The following AGBL4 variants were observed in gnomAD, a reference collection of about 807,000 sequenced individuals.
AGBL4 encodes the protein cytosolic carboxypeptidase 6.
In AGBL4, 58 loss-of-function variants were observed where a neutral mutation model predicts 66.4. That is an observed-to-expected ratio of 0.87 (90% CI 0.71 to 1.09). The LOEUF (loss-of-function observed/expected upper bound fraction) is 1.09. Among genes scored for constraint, AGBL4 ranks in the 50% least tolerant of loss-of-function variants. The probability of loss-of-function intolerance (pLI) is 0.00; values close to 1 mark genes in which losing one functional copy is unlikely to be tolerated. For missense variants in AGBL4, 579 were observed against 631.0 expected (o/e 0.92, Z 0.88); for synonymous variants, 234 against 222.9 (o/e 1.05, Z -0.44).
Position 49,075,948 on chromosome 1 carries a change from A to G in AGBL4, c.378-30148T>C, listed in dbSNP as rs370334248. On this transcript the variant is annotated intron_variant, in intron 4 of 13. Coordinates refer to ENST00000371839, the MANE Select transcript of AGBL4 (RefSeq NM_032785.4). ...ATCAACAAACTGTTGGGTAGGTACC[A>G]AGAAAGAACATCTAGATAGGGTGAT... Among the ~76,000 whole-genome samples, 50 of 152,354 alleles carry G rather than the reference A, an allele frequency of 3.3e-4. 1 individual carries two copies. The South Asian group carries it at 9.5e-3, about 29-fold the overall frequency.
chr1:49,409,744 A>G (rs1645279604), intron 3 of AGBL4, among the ~76,000 whole-genome samples: 1 of 152,202 alleles, frequency 6.6e-6, no homozygotes, highest in Non-Finnish European at 1.5e-5. Context: ...AAAAACAAGA[A>G]AATGGTAGAA....
At chr1:50,021,511 T>C (rs1662439257) in intron 1 of AGBL4, among the ~76,000 whole-genome samples, 1 of 152,186 alleles carries the variant, frequency 6.6e-6, no homozygotes, top group African/African-American at 2.4e-5. Flanking sequence ...CAATGCTCCC[T>C]ATCCCAATAA....
intron 6 of AGBL4, among the ~76,000 whole-genome samples, chr1:48,769,554 C>CACAA (rs1644704018): frequency 6.8e-6 from 1 of 147,440 alleles, no homozygotes; most frequent in Non-Finnish European, 1.5e-5. Flanking sequence ...CACACACACA[C>CACAA]ACACACACAC....
chr1:49,909,905 A>G (rs1428999182), intron 1 of AGBL4, among the ~76,000 whole-genome samples: 1 of 152,178 alleles, frequency 6.6e-6, no homozygotes, highest in Non-Finnish European at 1.5e-5. Context: ...AACAGATTTG[A>G]AAGGGGAGAA....
At chr1:48,893,219 C>G (rs1021648130) in intron 5 of AGBL4, among the ~76,000 whole-genome samples, 1 of 152,098 alleles carries the variant, frequency 6.6e-6, no homozygotes, top group Non-Finnish European at 1.5e-5. Flanking sequence ...AGAGAATCTA[C>G]CAACCTAAAA....
chr1:49,760,746 C>T (rs1009278118), intron 2 of AGBL4, among the ~76,000 whole-genome samples: 1 of 152,052 alleles, frequency 6.6e-6, no homozygotes, highest in African/African-American at 2.4e-5. Flanking sequence ...GCACTATTTA[C>T]AATAGAAAAG....
chr1:49,161,402 A>G (rs190338789), intron 4 of AGBL4, among the ~76,000 whole-genome samples: 4 of 152,170 alleles, frequency 2.6e-5, no homozygotes, highest in African/African-American at 4.8e-5. Flanking sequence ...ACCAGTCCCA[A>G]TGAGATGAAC....
At chr1:49,320,008 C>CT (rs1645104199) in intron 3 of AGBL4, among the ~76,000 whole-genome samples, 1 of 152,230 alleles carries the variant, frequency 6.6e-6, no homozygotes, top group Admixed American at 6.5e-5. Context: ...AGACGGTTCA[C>CT]TACAGCCTCA....
chr1:49,238,763 G>T (rs896879873), intron 4 of AGBL4, among the ~76,000 whole-genome samples: 1 of 152,056 alleles, frequency 6.6e-6, no homozygotes, highest in Non-Finnish European at 1.5e-5. Flanking sequence ...CCCTTTTTCT[G>T]GTCCTTCATT....
rs925255342 is a variant in AGBL4 at position 48,836,120 on chromosome 1, G to A, written c.634+31071C>T. 3.3e-5 allele frequency among the ~76,000 whole-genome samples: 5 copies of A among 151,790 alleles called. No individual in the cohort carries two copies. The South Asian group carries it at 6.2e-4, about 19-fold the overall frequency. On this transcript the variant is annotated intron_variant, in intron 6 of 13. Transcript: ENST00000371839. ...GGAGCAGGGTGGTGGCAGTGGAGAT[G>A]GAAAAAAGTGAATGCATTGAGATCT...
intron 4 of AGBL4, among the ~76,000 whole-genome samples, chr1:49,137,050 T>C (rs1036799169): frequency 6.6e-5 from 10 of 152,174 alleles, no homozygotes; most frequent in African/African-American, 1.7e-4. Context: ...TTCAATGAAA[T>C]TGAATTTACA....
At chr1:48,626,861 C>T (rs916877698) in intron 9 of AGBL4, among the ~76,000 whole-genome samples, 3 of 152,114 alleles carry the variant, frequency 2.0e-5, no homozygotes, top group Non-Finnish European at 4.4e-5. Context: ...GTGACACAGT[C>T]GGCAAGTGCC....
At chr1:48,903,190 T>G (rs1209592168) in intron 5 of AGBL4, among the ~76,000 whole-genome samples, 2 of 152,240 alleles carry the variant, frequency 1.3e-5, no homozygotes, top group African/African-American at 4.8e-5. Flanking sequence ...TCTCTGTTCT[T>G]GGACCTTTTT....
intron 11 of AGBL4, among the ~76,000 whole-genome samples, chr1:48,567,379 C>A (rs1644493820): frequency 6.6e-6 from 1 of 152,186 alleles, no homozygotes; most frequent in African/African-American, 2.4e-5. Context: ...CCCTTTCTTT[C>A]AGCATCCAAA....
the AGBL4 span, among the ~76,000 whole-genome samples, chr1:48,524,025 T>C: frequency 6.6e-6 from 1 of 152,238 alleles, no homozygotes; most frequent in Non-Finnish European, 1.5e-5. Context: ...GGGACCACTG[T>C]CATTCAGGTA....
chr1:49,397,836 T>C (rs1645003591), intron 3 of AGBL4, among the ~76,000 whole-genome samples: 1 of 152,184 alleles, frequency 6.6e-6, no homozygotes, highest in African/African-American at 2.4e-5. Flanking sequence ...TAATAATTTA[T>C]TTGTAAGCTT....
intron 6 of AGBL4, among the ~76,000 whole-genome samples, chr1:48,727,207 A>G (rs973915283): frequency 1.1e-4 from 16 of 152,204 alleles, no homozygotes; most frequent in African/African-American, 3.6e-4. Flanking sequence ...GTAACCCTAT[A>G]CTCATCTAAC....
At chr1:49,157,135 G>A (rs1646446937) in intron 4 of AGBL4, among the ~76,000 whole-genome samples, 1 of 151,852 alleles carries the variant, frequency 6.6e-6, no homozygotes, top group African/African-American at 2.4e-5. Context: ...TGCAGAACGT[G>A]CAGGTTTGTT....
chr1:48,674,765 C>T (rs932977681), intron 6 of AGBL4, among the ~76,000 whole-genome samples: 1 of 152,092 alleles, frequency 6.6e-6, no homozygotes, highest in African/African-American at 2.4e-5. Flanking sequence ...GGTAAGTCCT[C>T]AATTAACTGT....
Sources: allele counts gnomAD v4.1 joint callset (sites outside exome capture counted in the v4.1 genomes callset), GRCh38; gene constraint gnomAD v4.1.1; transcripts MANE v1.5; gene names NCBI Gene and HGNC (gene_info 2026-07-23, HGNC 2026-07-21).